The following ANKRD30A variants were observed in gnomAD, a reference collection of about 807,000 sequenced individuals.
ANKRD30A encodes ankyrin repeat domain 30A.
A neutral mutation model predicts 166.3 loss-of-function variants in ANKRD30A; 170 were observed. That is an observed-to-expected ratio of 1.02 (90% CI 0.90 to 1.16). ANKRD30A has a LOEUF of 1.16. Among genes scored for constraint, ANKRD30A ranks in the 50% most tolerant of loss-of-function variants. ANKRD30A has a pLI of 0.00. For synonymous variants in ANKRD30A, 564 were observed against 508.9 expected, an observed-to-expected ratio of 1.11 and a Z score of -1.46; for missense variants, 1,630 against 1,518.0, an observed-to-expected ratio of 1.07 and a Z score of -1.23.
intron 13 of ANKRD30A, among the ~76,000 whole-genome samples, chr10:37,156,924 A>G (rs1426697808): frequency 2.0e-5 from 3 of 152,172 alleles, no homozygotes; most frequent in Admixed American, 6.5e-5. Context: ...TAGCCTTAAA[A>G]TGGTTAGACA....
chr10:37,125,912 T>G lies in ANKRD30A; in HGVS notation c.125T>G (p.Ile42Ser). Reference protein sequence around the residue: ...YIVHSGDLRKIHKAASRGQVR... With the variant: ...YIVHSGDLRKSHKAASRGQVR... Reference sequence around the variant, plus strand: ...GTCCACTCTGGGGATCTTAGAAAGATCCATAAAGCTGCCTCCCGGGGACAA... The same window carrying G: ...GTCCACTCTGGGGATCTTAGAAAGAGCCATAAAGCTGCCTCCCGGGGACAA... Residue 42 changes from isoleucine (I) to serine (S), a missense_variant, in exon 1 of 36, where the codon ATC becomes AGC. Ile to Ser is a moderately radical substitution (Grantham distance 142, BLOSUM62 -2). This residue lies in a region of ANKRD30A where 904 missense variants were observed against 818.5 expected (regional missense o/e 1.10). Transcript: ENST00000361713. 1 of 1,604,036 alleles carries G rather than the reference T, an allele frequency of 6.2e-7. No homozygotes were observed. Among genetic ancestry groups the G allele is most frequent in the Non-Finnish European group, 8.5e-7 (1 of 1,172,870 alleles).
At chr10:37,178,921 G>T (rs1418684613) in intron 24 of ANKRD30A, among the ~76,000 whole-genome samples, 1 of 150,236 alleles carries the variant, frequency 6.7e-6, no homozygotes, top group African/African-American at 2.4e-5. Context: ...TTAGAGTGTG[G>T]GTGCTCTGGA....
chr10:37,211,388 G>T (rs1035741702), intron 31 of ANKRD30A, among the ~76,000 whole-genome samples: 29 of 151,848 alleles, frequency 1.9e-4, no homozygotes, highest in African/African-American at 6.8e-4. Flanking sequence ...GTGGTGTTTG[G>T]TTTTCTGTTC....
Position 37,191,190 on chromosome 10 carries a change from C to G in ANKRD30A, c.2512+1633C>G, listed in dbSNP as rs1767339. The stretch of plus-strand genomic sequence containing the variant: ...CTTGATGAGATTTGTACATCTTCCT[C>G]CATGAGTGGATTAAGAGATATTGAG... On this transcript the variant is annotated intron_variant, in intron 25 of 35. Transcript: ENST00000361713. 1.8e-4 allele frequency among the ~76,000 whole-genome samples: 28 copies of G among 151,908 alleles called. No individual in the cohort carries two copies. The East Asian group carries it at 1.9e-3, about 10-fold the overall frequency.
downstream of ANKRD30A, among the ~76,000 whole-genome samples, chr10:37,234,474 A>G (rs1430602552): frequency 1.3e-5 from 2 of 152,114 alleles, no homozygotes; most frequent in African/African-American, 4.8e-5. Context: ...TTTAGGTTTG[A>G]AAGTTATATA....
At chr10:37,140,524 A>G (rs1301985634) in intron 6 of ANKRD30A, among the ~76,000 whole-genome samples, 1 of 152,186 alleles carries the variant, frequency 6.6e-6, no homozygotes, top group Non-Finnish European at 1.5e-5. Context: ...AGGTCTCACT[A>G]TTATCAACTT....
At chr10:37,194,806 C>A (rs925312370) in intron 27 of ANKRD30A, among the ~76,000 whole-genome samples, 1 of 152,128 alleles carries the variant, frequency 6.6e-6, no homozygotes. Flanking sequence ...TTTAATTAGA[C>A]CGTCTTTTCT....
chr10:37,147,340 G>A, intron 8 of ANKRD30A, 30 bp from the exon 9 acceptor site: 1 of 1,471,168 alleles, frequency 6.8e-7, no homozygotes, highest in Non-Finnish European at 9.3e-7. Context: ...TTTTAAAACT[G>A]AAATTATCTA....
chr10:37,125,706 G>A lies in ANKRD30A; in HGVS notation c.-82G>A, dbSNP rs1292191312. On this transcript the variant is annotated 5_prime_UTR_variant, in exon 1 of 36. Transcript: ENST00000361713. ...CGGTGCGTGGACTGAAGAAGGGCGA[G>A]GGCGATTGGGGAGGGGTGGGGGGTG... 3.7e-6 allele frequency: 2 copies of A among 545,568 alleles called. No individual in the cohort carries two copies. Among genetic ancestry groups the A allele is most frequent in the Non-Finnish European group, 6.6e-6 (2 of 301,968 alleles). 33.8% of individuals were successfully genotyped at this position (545,568 alleles called of 1,614,324 possible).
chr10:37,263,139 C>G, the ANKRD30A span, among the ~76,000 whole-genome samples: 1 of 150,716 alleles, frequency 6.6e-6, no homozygotes, highest in Non-Finnish European at 1.5e-5. Context: ...ATATCTAAAT[C>G]TTTATGTTTG....
rs1554807834 is a variant in ANKRD30A at position 37,136,813 on chromosome 10, A to ATGTGTG, written c.820+156_820+161dup. ...CATATATGTGGGTGTGGGTGTGTGT[A>ATGTGTG]TGTGTGTGTGTGTGTGTGTATATAT... On this transcript the variant is annotated intron_variant, in intron 6 of 35. Coordinates refer to ENST00000361713, the MANE Select transcript of ANKRD30A (RefSeq NM_052997.3). The ATGTGTG allele has an allele frequency of 1.4e-3, 382 of 272,178 alleles. 1 individual carries two copies. The highest frequency in any genetic ancestry group is 8.8e-3 in the African/African-American group (365 of 41,584). The allele number at this position is 272,178 out of a possible 1,614,324, so 16.9% of individuals were successfully genotyped here.
the ANKRD30A span, among the ~76,000 whole-genome samples, chr10:37,252,353 GC>G: frequency 6.6e-6 from 1 of 152,124 alleles, no homozygotes; most frequent in African/African-American, 2.4e-5. Context: ...TTTGGAGAAG[GC>G]CATTTCCCAC....
Position 37,130,018 on chromosome 10 carries a change from G to T in ANKRD30A, c.336+11G>T. 6.8e-7 allele frequency: 1 copy of T among 1,472,438 alleles called. No homozygotes were observed. Among genetic ancestry groups the T allele is most frequent in the South Asian group, 1.6e-5 (1 of 63,542 alleles). The allele number at this position is 1,472,438 out of a possible 1,614,324, so 91.2% of individuals were successfully genotyped here. A position where few individuals can be genotyped will look rare whatever the true frequency, so the allele number is the denominator to read the frequency against. On this transcript the variant is annotated intron_variant, in intron 2 of 35. Transcript: ENST00000361713. Reference sequence around the variant, plus strand: ...ACACCTCTGATGAAGGTAAATAGTAGCCAGATTTTTCAGCAGGAGATGGAT... The same window carrying T: ...ACACCTCTGATGAAGGTAAATAGTATCCAGATTTTTCAGCAGGAGATGGAT...
intron 31 of ANKRD30A, among the ~76,000 whole-genome samples, chr10:37,215,328 C>T (rs1430790316): frequency 6.6e-6 from 1 of 151,134 alleles, no homozygotes; most frequent in African/African-American, 2.4e-5. Context: ...TTTGTAAGAC[C>T]CCCCCGACCC....
chr10:37,125,844 C>A lies in ANKRD30A; in HGVS notation c.57C>A (p.Ser19Arg). 1.7e-6 allele frequency: 2 copies of A among 1,187,812 alleles called. No individual in the cohort carries two copies. Among genetic ancestry groups the A allele is most frequent in the South Asian group, 2.6e-5 (2 of 76,364 alleles). The allele number at this position is 1,187,812 out of a possible 1,614,324, so 73.6% of individuals were successfully genotyped here. Residue 19 changes from serine to arginine, a missense_variant, in exon 1 of 36, where the codon AGC (serine) becomes AGA (arginine). By Grantham distance (110) the Ser-to-Arg change is moderately radical. This residue lies in a region of ANKRD30A where 904 missense variants were observed against 818.5 expected (regional missense o/e 1.10). Transcript: ENST00000361713. ...VKVVPGPERPSPFSQLVYTSN... is the reference protein window; with the variant it reads ...VKVVPGPERPRPFSQLVYTSN... ...TCGTGCCGGGCCCGGAGCGCCCGAG[C>A]CCTTTCAGCCAGCTAGTCTATACCA...
the ANKRD30A span, among the ~76,000 whole-genome samples, chr10:37,254,230 A>T: frequency 6.6e-6 from 1 of 152,160 alleles, no homozygotes; most frequent in South Asian, 2.1e-4. Context: ...TTGTGTATGT[A>T]CCTAGGAATG....
At chr10:37,248,973 G>A in the ANKRD30A span, among the ~76,000 whole-genome samples, 4 of 152,126 alleles carry the variant, frequency 2.6e-5, no homozygotes, top group South Asian at 2.1e-4. Context: ...GGTCTTTGTC[G>A]GAGGGGATTC....
intron 4 of ANKRD30A, among the ~76,000 whole-genome samples, chr10:37,133,313 A>T (rs1370107131): frequency 2.0e-5 from 3 of 152,206 alleles, no homozygotes; most frequent in Non-Finnish European, 4.4e-5. Flanking sequence ...CACAAGACTG[A>T]GTTTAATTTC....
chr10:37,155,714 G>T lies in ANKRD30A; in HGVS notation c.1798+2052G>T, dbSNP rs188837986. Among the ~76,000 whole-genome samples the T allele has an allele frequency of 4.0e-4, 61 of 152,180 alleles. 1 individual carries two copies. The East Asian group carries it at 6.6e-3, about 16-fold the overall frequency. On this transcript the variant is annotated intron_variant, in intron 13 of 35. Coordinates refer to ENST00000361713, the MANE Select transcript of ANKRD30A (RefSeq NM_052997.3). ...CTTTTTGCAAAAATCATATATAAATGGTTGTAGAATGTTGTTGTCATTCTA... is the reference window on the plus strand; with the variant it reads ...CTTTTTGCAAAAATCATATATAAATTGTTGTAGAATGTTGTTGTCATTCTA...
Sources: allele counts gnomAD v4.1 joint callset (sites outside exome capture counted in the v4.1 genomes callset), GRCh38; gene constraint gnomAD v4.1.1; regional missense constraint gnomAD v4.1.1; transcripts MANE v1.5; gene names NCBI Gene and HGNC (gene_info 2026-07-23, HGNC 2026-07-21).